PTPRT: variants seen among roughly 807,000 people sequenced by gnomAD.
PTPRT encodes protein tyrosine phosphatase receptor type T, also known as receptor-type tyrosine-protein phosphatase T.
A neutral mutation model predicts 176.8 loss-of-function variants in PTPRT; 56 were observed. The ratio of observed to expected loss-of-function variants is 0.32; its 90% CI spans 0.26 to 0.40. The LOEUF (loss-of-function observed/expected upper bound fraction) is 0.40. PTPRT is among the 10% of genes least tolerant of loss of function. The probability of loss-of-function intolerance (pLI) is 1.00; values close to 1 mark genes in which losing one functional copy is unlikely to be tolerated. For missense variants in PTPRT, 1,540 were observed against 1,908.2 expected, an observed-to-expected ratio of 0.81 and a Z score of 3.60; for synonymous variants, 783 against 739.0, an observed-to-expected ratio of 1.06 and a Z score of -0.96.
Position 42,074,773 on chromosome 20 carries a change from T to A in PTPRT, c.*6106A>T, listed in dbSNP as rs1425471030. On this transcript the variant is annotated 3_prime_UTR_variant, in exon 31 of 31. Transcript: ENST00000373187. ...TTGGTGAATGCCCTTTGATGACCTTTTCCCATCTCTTCTGGAGGTGGGCAG... is the reference window on the plus strand; with the variant it reads ...TTGGTGAATGCCCTTTGATGACCTTATCCCATCTCTTCTGGAGGTGGGCAG... 5.0e-6 allele frequency: 2 copies of A among 398,488 alleles called. No individual in the cohort carries two copies. Among genetic ancestry groups the A allele is most frequent in the African/African-American group, 4.1e-5 (2 of 48,618 alleles). 24.7% of individuals were successfully genotyped at this position (398,488 alleles called of 1,614,324 possible).
At chr20:42,131,924 C>A (rs2206167) in intron 18 of PTPRT, among the ~76,000 whole-genome samples, 2 of 151,856 alleles carry the variant, frequency 1.3e-5, no homozygotes, top group Non-Finnish European at 2.9e-5. Context: ...AAGCAAGCAC[C>A]GTGGGGGAGC....
intron 27 of PTPRT, among the ~76,000 whole-genome samples, chr20:42,087,972 G>A (rs1984181037): frequency 6.6e-6 from 1 of 151,974 alleles, no homozygotes; most frequent in African/African-American, 2.4e-5. Context: ...CTTTAGCTGA[G>A]GAGAGAATGT....
At chr20:42,944,595 C>T (rs893773720) in intron 1 of PTPRT, among the ~76,000 whole-genome samples, 1 of 152,182 alleles carries the variant, frequency 6.6e-6, no homozygotes, top group Non-Finnish European at 1.5e-5. Context: ...ACAAGCCACA[C>T]GTTCTCCCAG....
intron 16 of PTPRT, among the ~76,000 whole-genome samples, chr20:42,176,609 CTAAG>C: frequency 6.6e-6 from 1 of 152,294 alleles, no homozygotes; most frequent in African/African-American, 2.4e-5. Context: ...AAGGAAAAGA[CTAAG>C]TAATGCCTCA....
At chr20:43,090,557 C>T (rs907929585) in intron 1 of PTPRT, among the ~76,000 whole-genome samples, 6 of 151,886 alleles carry the variant, frequency 4.0e-5, no homozygotes, top group Admixed American at 3.9e-4. Flanking sequence ...CGTGAGCCAC[C>T]GCGCCCAGCC....
rs1369534616 is a variant in PTPRT at position 42,471,850 on chromosome 20, T to C, written c.1450+416A>G. Among the ~76,000 whole-genome samples, 3 of 152,102 alleles carry C rather than the reference T, an allele frequency of 2.0e-5. No individual in the cohort carries two copies. In the East Asian group the frequency reaches 5.8e-4, roughly 29 times the overall value. On this transcript the variant is annotated intron_variant, in intron 8 of 30. Transcript: ENST00000373187. ...CTTTTGTATTTTAGTAGAGACAGGG[T>C]TTCACCATGTTGCCCAGGCTGGTCT...
At position 42,121,062 on chromosome 20, in the gene PTPRT, T is replaced by G. The variant is rs576240357; in HGVS notation, c.2848-1091A>C. 7.9e-5 allele frequency among the ~76,000 whole-genome samples: 12 copies of G among 152,326 alleles called. No homozygotes were observed. The South Asian group carries it at 2.5e-3, about 32-fold the overall frequency. On this transcript the variant is annotated intron_variant, in intron 19 of 30. Transcript: ENST00000373187. ...TAGATGAACTGCCTCGAGGCCACTT[T>G]CTTCAGGAAATAGAACTGCCATCTG... is the stretch of plus-strand genomic sequence containing the variant.
chr20:42,781,003 T>C (rs565922908), intron 3 of PTPRT, among the ~76,000 whole-genome samples: 1 of 152,210 alleles, frequency 6.6e-6, no homozygotes, highest in African/African-American at 2.4e-5. Context: ...TCAATCCACT[T>C]TAGCCCCACT....
intron 2 of PTPRT, among the ~76,000 whole-genome samples, chr20:42,819,798 A>T (rs902483187): frequency 6.6e-6 from 1 of 152,158 alleles, no homozygotes; most frequent in Non-Finnish European, 1.5e-5. Flanking sequence ...AAAAGACTTT[A>T]AACAAAGATC....
intron 12 of PTPRT, among the ~76,000 whole-genome samples, chr20:42,285,298 T>C (rs771286106): frequency 2.0e-5 from 3 of 151,724 alleles, no homozygotes; most frequent in Admixed American, 6.6e-5. Context: ...CAGGAGACTA[T>C]AGATGGTTAG....
At chr20:42,754,042 T>C (rs139365865) in intron 6 of PTPRT, among the ~76,000 whole-genome samples, 109 of 152,238 alleles carry the variant, frequency 7.2e-4, no homozygotes, top group African/African-American at 2.6e-3. Flanking sequence ...CTCCTGGGAC[T>C]CTCAATCTGG....
intron 27 of PTPRT, among the ~76,000 whole-genome samples, chr20:42,091,941 G>C (rs1984665905): frequency 6.6e-6 from 1 of 152,182 alleles, no homozygotes; most frequent in Non-Finnish European, 1.5e-5. Context: ...TTGTTTCAGG[G>C]AAGGAAGGGT....
chr20:42,544,376 T>C (rs905930806), intron 7 of PTPRT, among the ~76,000 whole-genome samples: 1 of 152,226 alleles, frequency 6.6e-6, no homozygotes, highest in Non-Finnish European at 1.5e-5. Context: ...CTGCTGGCTC[T>C]AAAATTTTCT....
chr20:42,939,836 T>C (rs1173777769), intron 1 of PTPRT, among the ~76,000 whole-genome samples: 2 of 152,220 alleles, frequency 1.3e-5, no homozygotes, highest in Non-Finnish European at 2.9e-5. Context: ...GTGGTAGTTT[T>C]GACAGGGAAG....
chr20:42,983,899 T>A (rs1322163691), intron 1 of PTPRT, among the ~76,000 whole-genome samples: 1 of 152,192 alleles, frequency 6.6e-6, no homozygotes, highest in Non-Finnish European at 1.5e-5. Flanking sequence ...TGGGTCCCAA[T>A]TTGCCCTTCT....
At chr20:42,731,297 A>G (rs2076456698) in intron 6 of PTPRT, among the ~76,000 whole-genome samples, 1 of 152,184 alleles carries the variant, frequency 6.6e-6, no homozygotes, top group East Asian at 1.9e-4. Flanking sequence ...ACTTCATCCA[A>G]TTAAGTGGAG....
chr20:42,851,414 C>T (rs2078467265), intron 2 of PTPRT, among the ~76,000 whole-genome samples: 1 of 152,174 alleles, frequency 6.6e-6, no homozygotes, highest in African/African-American at 2.4e-5. Context: ...CTCTAATCAT[C>T]ACTGTCTTGC....
chr20:43,119,404 T>C lies in PTPRT; in HGVS notation c.88+70242A>G, dbSNP rs972478497. Reference sequence around the variant, plus strand: ...TATCCTTGTTTTCTATTTTTTCTTCTATTGTTCTATTTTATTCATTCTTTT... The same window carrying C: ...TATCCTTGTTTTCTATTTTTTCTTCCATTGTTCTATTTTATTCATTCTTTT... On this transcript the variant is annotated intron_variant, in intron 1 of 30. Coordinates refer to ENST00000373187, the MANE Select transcript of PTPRT (RefSeq NM_007050.6). Among the ~76,000 whole-genome samples, 8 of 152,262 alleles carry C rather than the reference T, an allele frequency of 5.3e-5. No homozygotes were observed. In the East Asian group the frequency reaches 5.8e-4, roughly 11 times the overall value.
chr20:42,056,174 G>A, the PTPRT span, among the ~76,000 whole-genome samples: 1 of 152,158 alleles, frequency 6.6e-6, no homozygotes, highest in African/African-American at 2.4e-5. Context: ...AAGCCAATAA[G>A]GGTGTTTCTT....
Sources: gnomAD v4.1 joint callset for allele counts (sites outside exome capture counted in the v4.1 genomes callset) on GRCh38, gnomAD v4.1.1 for gene constraint, MANE v1.5 for transcripts, NCBI Gene and HGNC (gene_info 2026-07-23, HGNC 2026-07-21) for gene names.